REEP1: variants seen among roughly 807,000 people sequenced by gnomAD.
The protein encoded by REEP1 is receptor expression-enhancing protein 1.
A neutral mutation model predicts 40.3 loss-of-function variants in REEP1; 22 were observed. The ratio of observed to expected loss-of-function variants is 0.55; its 90% CI spans 0.39 to 0.78. REEP1 has a LOEUF of 0.78. Among genes scored for constraint, REEP1 ranks in the 30% least tolerant of loss-of-function variants. The pLI, the probability that REEP1 is intolerant of heterozygous loss-of-function variation, is 0.00. For missense variants in REEP1, 280 were observed against 361.1 expected, an observed-to-expected ratio of 0.78 and a Z score of 1.82; for synonymous variants, 116 against 139.2, an observed-to-expected ratio of 0.83 and a Z score of 1.17.
intron 1 of REEP1, among the ~76,000 whole-genome samples, chr2:86,310,095 G>A (rs895599287): frequency 2.6e-5 from 4 of 152,094 alleles, no homozygotes; most frequent in East Asian, 1.9e-4. Flanking sequence ...GTTACTTCCC[G>A]TTTTCCCCAC....
intron 2 of REEP1, chr2:86,279,972 A>T (rs1248714831): frequency 2.2e-6 from 1 of 456,206 alleles, no homozygotes; most frequent in Non-Finnish European, 4.4e-6. Context: ...TCTAGGGAAA[A>T]TAGTGAGAAT....
At position 86,314,293 on chromosome 2, in the gene REEP1, C is replaced by T. The variant is rs193030459; in HGVS notation, c.32+23186G>A. Among the ~76,000 whole-genome samples, 472 of 152,242 alleles carry T rather than the reference C, an allele frequency of 3.1e-3. 4 individuals carry two copies. The highest frequency in any genetic ancestry group is 0.01 in the African/African-American group (424 of 41,544). On this transcript the variant is annotated intron_variant, in intron 1 of 8. Transcript: ENST00000538924. ...TGTCAGCTGAGAAATTTGCCCATGC[C>T]CTATAGGGAAACCACCTCCCCACCT...
chr2:86,304,356 G>A (rs1679390830), intron 1 of REEP1, among the ~76,000 whole-genome samples: 2 of 152,260 alleles, frequency 1.3e-5, no homozygotes, highest in South Asian at 4.1e-4. Context: ...GAAAGACTAC[G>A]GATGCCACCA....
In REEP1 at chr2:86,215,523, T is replaced by G. The variant is rs1399571543; in HGVS notation, c.*1516A>C. 1 of 152,624 alleles carries G rather than the reference T, an allele frequency of 6.6e-6. No individual in the cohort carries two copies. The highest frequency in any genetic ancestry group is 2.4e-5 in the African/African-American group (1 of 41,446). The allele number at this position is 152,624 out of a possible 1,614,324, so 9.5% of individuals were successfully genotyped here. On this transcript the variant is annotated 3_prime_UTR_variant, in exon 9 of 9. Transcript: ENST00000538924. ...CTAATTCTCTAGTCTTCTGGGCATATCTACGAACAAATACAATCCAAATAT... is the reference window on the plus strand; with the variant it reads ...CTAATTCTCTAGTCTTCTGGGCATAGCTACGAACAAATACAATCCAAATAT...
intron 3 of REEP1, among the ~76,000 whole-genome samples, chr2:86,261,875 C>T (rs919562048): frequency 6.6e-5 from 10 of 152,218 alleles, no homozygotes; most frequent in African/African-American, 1.9e-4. Context: ...AGGGAAAAAC[C>T]GCCTTAGGGC....
In REEP1 at chr2:86,322,192, A is replaced by C. The variant is rs183803528; in HGVS notation, c.32+15287T>G. Among the ~76,000 whole-genome samples, 244 of 152,314 alleles carry C rather than the reference A, an allele frequency of 1.6e-3. 3 individuals are homozygous for C. The highest frequency in any genetic ancestry group is 5.7e-3 in the African/African-American group (235 of 41,566). ...AAAATTTTATTGAAAGTCATTAAAG[A>C]AGACCCAAATAAATAAAGGTAGATA... On this transcript the variant is annotated intron_variant, in intron 1 of 8. Coordinates refer to ENST00000538924, the MANE Select transcript of REEP1 (RefSeq NM_001371279.1).
intron 3 of REEP1, among the ~76,000 whole-genome samples, chr2:86,257,247 C>A (rs140263237): frequency 6.6e-6 from 1 of 152,256 alleles, no homozygotes; most frequent in Non-Finnish European, 1.5e-5. Flanking sequence ...GACACCAACA[C>A]AAGACACATA....
intron 5 of REEP1, among the ~76,000 whole-genome samples, chr2:86,233,005 G>A (rs1317157543): frequency 6.6e-6 from 1 of 152,200 alleles, no homozygotes; most frequent in Non-Finnish European, 1.5e-5. Flanking sequence ...CTGGGGCTCA[G>A]TAATTGCTCC....
At chr2:86,266,960 T>C (rs1388975443) in intron 2 of REEP1, among the ~76,000 whole-genome samples, 2 of 151,420 alleles carry the variant, frequency 1.3e-5, no homozygotes, top group Admixed American at 6.6e-5. Context: ...TGAGCTGAGA[T>C]TGGGCTACTG....
intron 3 of REEP1, among the ~76,000 whole-genome samples, chr2:86,257,762 CAAGTAGCTG>C (rs891514185): frequency 2.0e-4 from 31 of 152,114 alleles, no homozygotes; most frequent in Admixed American, 3.3e-4. Context: ...CTTGGCCTCC[CAAGTAGCTG>C]GGATTACAGG....
intron 2 of REEP1, among the ~76,000 whole-genome samples, chr2:86,267,793 C>T (rs1677225693): frequency 6.6e-6 from 1 of 151,536 alleles, no homozygotes; most frequent in African/African-American, 2.4e-5. Flanking sequence ...AATATTTGCA[C>T]ATCATTCATC....
At chr2:86,229,527 T>C (rs763206619) in intron 6 of REEP1, among the ~76,000 whole-genome samples, 6 of 151,400 alleles carry the variant, frequency 4.0e-5, no homozygotes, top group Non-Finnish European at 8.8e-5. Flanking sequence ...CAGGGTATGA[T>C]AGCCCAAGAG....
chr2:86,314,511 G>A (rs558404903), intron 1 of REEP1, among the ~76,000 whole-genome samples: 3 of 151,804 alleles, frequency 2.0e-5, no homozygotes, highest in African/African-American at 4.8e-5. Context: ...GAGGCCTAGC[G>A]ACAGGGCTAG....
Position 86,216,869 on chromosome 2 carries a change from G to T in REEP1, c.*170C>A. On this transcript the variant is annotated 3_prime_UTR_variant, in exon 9 of 9. Transcript: ENST00000538924. ...CCTCTCCCCAGCAAAATAAAGAAAA[G>T]GGGGAAAAAAATAAATCCTTAAAAG... is the stretch of plus-strand genomic sequence containing the variant. The T allele has an allele frequency of 3.3e-6, 2 of 597,374 alleles. No individual in the cohort carries two copies. The highest frequency in any genetic ancestry group is 2.9e-5 in the East Asian group (1 of 33,990). The allele number at this position is 597,374 out of a possible 1,614,324, so 37.0% of individuals were successfully genotyped here.
intron 1 of REEP1, among the ~76,000 whole-genome samples, chr2:86,297,106 A>ATGTG (rs1295088463): frequency 5.9e-5 from 9 of 152,206 alleles, no homozygotes; most frequent in African/African-American, 1.9e-4. Flanking sequence ...TGTGCTACCA[A>ATGTG]CCACCCACAT....
chr2:86,335,695 A>G (rs2104555842), intron 1 of REEP1, among the ~76,000 whole-genome samples: 1 of 152,142 alleles, frequency 6.6e-6, no homozygotes, highest in Admixed American at 6.5e-5. Context: ...CTAAAAATAC[A>G]AAAATTAGCT....
intron 1 of REEP1, among the ~76,000 whole-genome samples, chr2:86,313,784 G>A (rs1679869287): frequency 6.6e-6 from 1 of 152,174 alleles, no homozygotes; most frequent in African/African-American, 2.4e-5. Flanking sequence ...GGCCAGGTGG[G>A]GCTAGGCAGA....
At chr2:86,226,689 C>T (rs931108021) in intron 7 of REEP1, among the ~76,000 whole-genome samples, 1 of 149,692 alleles carries the variant, frequency 6.7e-6, no homozygotes, top group Non-Finnish European at 1.5e-5. Context: ...AGGTTGGTCT[C>T]GAACTCCTGG....
At chr2:86,257,953 T>C (rs1477417166) in intron 3 of REEP1, among the ~76,000 whole-genome samples, 1 of 152,098 alleles carries the variant, frequency 6.6e-6, no homozygotes, top group Non-Finnish European at 1.5e-5. Context: ...TGCATACGAG[T>C]GTATGAGCAC....
Sources: gnomAD v4.1 joint callset for allele counts (sites outside exome capture counted in the v4.1 genomes callset) on GRCh38, gnomAD v4.1.1 for gene constraint, MANE v1.5 for transcripts, NCBI Gene and HGNC (gene_info 2026-07-23, HGNC 2026-07-21) for gene names.